Variants in TASP1 observed in about 807,000 individuals in gnomAD.
TASP1 encodes the protein threonine aspartase 1.
Under a neutral mutation model 56.6 loss-of-function variants are expected in TASP1, and 16 were observed. The observed-to-expected ratio is 0.28, with a 90% confidence interval of 0.19 to 0.43. The LOEUF (loss-of-function observed/expected upper bound fraction) is 0.43, where lower values mean the gene tolerates loss of function less well. TASP1 is among the 20% of genes least tolerant of loss of function. TASP1 has a pLI of 1.00. For missense variants in TASP1, 393 were observed against 511.6 expected, an observed-to-expected ratio of 0.77 and a Z score of 2.24; for synonymous variants, 179 against 184.2, an observed-to-expected ratio of 0.97 and a Z score of 0.23.
chr20:13,236,735 G>C, the TASP1 span, among the ~76,000 whole-genome samples: 48 of 152,306 alleles, frequency 3.2e-4, no homozygotes, highest in East Asian at 9.3e-3. Flanking sequence ...AGGGATTACA[G>C]GGCCCAGGCA....
the TASP1 span, among the ~76,000 whole-genome samples, chr20:13,218,728 C>G: frequency 1.4e-4 from 21 of 152,310 alleles, no homozygotes; most frequent in Middle Eastern, 6.8e-3. Flanking sequence ...TGTTCCCTAA[C>G]TCAAAAACAG....
chr20:13,355,218 G>A, the TASP1 span, among the ~76,000 whole-genome samples: 1 of 152,110 alleles, frequency 6.6e-6, no homozygotes, highest in South Asian at 2.1e-4. Flanking sequence ...TAAGGCCCTT[G>A]CTACTATGGG....
chr20:13,109,421 T>C, the TASP1 span, among the ~76,000 whole-genome samples: 2 of 152,206 alleles, frequency 1.3e-5, no homozygotes, highest in Non-Finnish European at 2.9e-5. Flanking sequence ...TCAACTCCTC[T>C]GTGTCTCAGT....
At chr20:13,225,964 C>CT in the TASP1 span, among the ~76,000 whole-genome samples, 3,479 of 152,184 alleles carry the variant, frequency 0.023, 118 homozygotes, top group African/African-American at 0.074. Context: ...ATAAAGGTAT[C>CT]TCCTTTGTCT....
the TASP1 span, among the ~76,000 whole-genome samples, chr20:13,193,510 A>C: frequency 6.6e-6 from 1 of 152,240 alleles, no homozygotes; most frequent in Non-Finnish European, 1.5e-5. Context: ...AAAACATGAA[A>C]TAGCTCTAGA....
chr20:13,279,287 C>T, the TASP1 span, among the ~76,000 whole-genome samples: 1 of 152,224 alleles, frequency 6.6e-6, no homozygotes, highest in East Asian at 1.9e-4. Flanking sequence ...TTCTCAATAC[C>T]ACATGGAGGA....
chr20:13,483,629 AT>A (rs1050598849), intron 10 of TASP1, among the ~76,000 whole-genome samples: 13 of 152,340 alleles, frequency 8.5e-5, no homozygotes, highest in African/African-American at 2.9e-4. Context: ...AACAAAAAAA[AT>A]CCCCCTAAAA....
At chr20:13,228,742 C>T in the TASP1 span, among the ~76,000 whole-genome samples, 1 of 152,132 alleles carries the variant, frequency 6.6e-6, no homozygotes, top group African/African-American at 2.4e-5. Flanking sequence ...TCCAATATCC[C>T]TGTACTCTTT....
the TASP1 span, among the ~76,000 whole-genome samples, chr20:13,240,140 T>A: frequency 6.6e-6 from 1 of 152,216 alleles, no homozygotes; most frequent in African/African-American, 2.4e-5. Context: ...ATTCTACAAT[T>A]CCATTCATTC....
intron 10 of TASP1, among the ~76,000 whole-genome samples, chr20:13,489,010 T>G (rs1227934089): frequency 6.6e-6 from 1 of 152,178 alleles, no homozygotes; most frequent in Non-Finnish European, 1.5e-5. Context: ...ACAGTCAGAA[T>G]AGCTATACTG....
the TASP1 span, among the ~76,000 whole-genome samples, chr20:13,267,507 C>T: frequency 1.3e-5 from 2 of 152,224 alleles, no homozygotes; most frequent in South Asian, 2.1e-4. Context: ...ACTAATCCTG[C>T]GGGGAGGGTA....
chr20:13,356,311 G>T, the TASP1 span, among the ~76,000 whole-genome samples: 2 of 152,186 alleles, frequency 1.3e-5, no homozygotes, highest in Non-Finnish European at 2.9e-5. Flanking sequence ...AACAATAGGA[G>T]CAATTGTTGT....
the TASP1 span, among the ~76,000 whole-genome samples, chr20:13,291,373 A>G: frequency 6.6e-6 from 1 of 152,198 alleles, no homozygotes; most frequent in Admixed American, 6.5e-5. Context: ...CTCATGGGGC[A>G]AAGTCTCCCT....
downstream of TASP1, among the ~76,000 whole-genome samples, chr20:13,387,757 T>C (rs2041175370): frequency 6.6e-6 from 1 of 152,272 alleles, no homozygotes; most frequent in Non-Finnish European, 1.5e-5. Flanking sequence ...CCACAGTGGC[T>C]GACGTAATTT....
intron 11 of TASP1, among the ~76,000 whole-genome samples, chr20:13,462,720 T>C (rs1421073230): frequency 1.3e-5 from 2 of 152,180 alleles, no homozygotes; most frequent in African/African-American, 4.8e-5. Flanking sequence ...ACTCGATTTC[T>C]ATATACTAAT....
At chr20:13,142,026 G>C in the TASP1 span, among the ~76,000 whole-genome samples, 1 of 152,188 alleles carries the variant, frequency 6.6e-6, no homozygotes, top group Non-Finnish European at 1.5e-5. Flanking sequence ...CTAGTTAAGA[G>C]GGAAAGTTTG....
the TASP1 span, among the ~76,000 whole-genome samples, chr20:13,240,063 A>G: frequency 6.6e-6 from 1 of 152,366 alleles, no homozygotes; most frequent in African/African-American, 2.4e-5. Context: ...TTAATATACA[A>G]CCAAACTGCA....
the TASP1 span, among the ~76,000 whole-genome samples, chr20:13,225,243 T>C: frequency 6.6e-6 from 1 of 152,136 alleles, no homozygotes. Context: ...GTTAGGTAAT[T>C]TGCCCAAGGT....
At chr20:13,614,709 T>C in intron 4 of TASP1, 1 of 437,104 alleles carries the variant, frequency 2.3e-6, no homozygotes, top group Non-Finnish European at 4.7e-6. Flanking sequence ...ATAATTACAG[T>C]ACAGTTACTT....
Sources: allele counts gnomAD v4.1 joint callset (sites outside exome capture counted in the v4.1 genomes callset), GRCh38; gene constraint gnomAD v4.1.1; transcripts MANE v1.5; gene names NCBI Gene and HGNC (gene_info 2026-07-23, HGNC 2026-07-21).